COMMD10: variants seen among roughly 807,000 people sequenced by gnomAD.
COMMD10 encodes COMM domain-containing protein 10.
A neutral mutation model predicts 28.9 loss-of-function variants in COMMD10; 33 were observed. The ratio of observed to expected loss-of-function variants is 1.14; its 90% CI spans 0.87 to 1.53. COMMD10 has a LOEUF of 1.53. COMMD10 is among the 40% of genes most tolerant of loss of function. The pLI is 0.00. For synonymous variants in COMMD10, 110 were observed against 81.7 expected, an observed-to-expected ratio of 1.35 and a Z score of -1.87; for missense variants, 310 against 233.4, an observed-to-expected ratio of 1.33 and a Z score of -2.14.
intron 5 of COMMD10, among the ~76,000 whole-genome samples, chr5:116,140,680 G>A (rs1346135885): frequency 1.3e-5 from 2 of 151,668 alleles, no homozygotes; most frequent in African/African-American, 4.8e-5. Context: ...TTAGTGATAT[G>A]GAACATCTTT....
chr5:116,173,721 C>T (rs754267865), intron 5 of COMMD10, among the ~76,000 whole-genome samples: 5 of 152,020 alleles, frequency 3.3e-5, no homozygotes, highest in East Asian at 1.9e-4. Flanking sequence ...GCTCTAGATG[C>T]GTTGTAGAGA....
chr5:116,168,032 C>A (rs1200955632), intron 5 of COMMD10, among the ~76,000 whole-genome samples: 1 of 151,060 alleles, frequency 6.6e-6, no homozygotes, highest in African/African-American at 2.4e-5. Flanking sequence ...AAAAGACACA[C>A]ACTGGTAAAT....
At chr5:116,288,572 C>A (rs1476454018) in intron 5 of COMMD10, among the ~76,000 whole-genome samples, 1 of 151,688 alleles carries the variant, frequency 6.6e-6, no homozygotes. Context: ...GAATACCCAT[C>A]ATGCATATAT....
intron 5 of COMMD10, among the ~76,000 whole-genome samples, chr5:116,265,118 G>C (rs1402806323): frequency 1.3e-5 from 2 of 151,670 alleles, no homozygotes; most frequent in Non-Finnish European, 2.9e-5. Flanking sequence ...ATTATTGGTG[G>C]TCTGTGTTCA....
intron 4 of COMMD10, among the ~76,000 whole-genome samples, chr5:116,105,382 G>T (rs923813257): frequency 2.6e-5 from 4 of 152,134 alleles, no homozygotes; most frequent in African/African-American, 7.2e-5. Context: ...GAGGATTTTT[G>T]CATTGATGTT....
chr5:116,136,340 A>G (rs540567380), intron 5 of COMMD10, among the ~76,000 whole-genome samples: 3 of 152,342 alleles, frequency 2.0e-5, no homozygotes, highest in Non-Finnish European at 4.4e-5. Context: ...GAGCTATTCC[A>G]TGAGTGAAAA....
At chr5:116,094,946 A>G (rs937004469) in intron 4 of COMMD10, among the ~76,000 whole-genome samples, 2 of 152,196 alleles carry the variant, frequency 1.3e-5, no homozygotes, top group Admixed American at 1.3e-4. Context: ...ACTCACTCCT[A>G]TGTGGGAGCT....
chr5:116,122,824 T>C (rs1264396947), intron 4 of COMMD10, among the ~76,000 whole-genome samples: 2 of 152,210 alleles, frequency 1.3e-5, no homozygotes, highest in East Asian at 1.9e-4. Context: ...TGCATATTGA[T>C]TTTGTATCCT....
At chr5:116,207,089 CTGAGT>C (rs1278399408) in intron 5 of COMMD10, among the ~76,000 whole-genome samples, 2 of 152,240 alleles carry the variant, frequency 1.3e-5, no homozygotes, top group South Asian at 4.1e-4. Context: ...TGTCCTTGAA[CTGAGT>C]TATTTGAATC....
chr5:116,280,544 T>A lies in COMMD10; in HGVS notation c.511-10973T>A, dbSNP rs1290165423. On this transcript the variant is annotated intron_variant, in intron 5 of 6. Transcript: ENST00000274458. ...AAGGATCTTTCTTTGGTTAAACGTC[T>A]ATTCCTTGCCATGGTACATTCATCT... is the stretch of plus-strand genomic sequence containing the variant. Among the ~76,000 whole-genome samples the A allele has an allele frequency of 2.0e-5, 3 of 151,882 alleles. No homozygotes were observed. The East Asian group carries it at 5.8e-4, about 29-fold the overall frequency.
At chr5:116,204,961 G>C (rs1249055087) in intron 5 of COMMD10, among the ~76,000 whole-genome samples, 1 of 151,998 alleles carries the variant, frequency 6.6e-6, no homozygotes, top group South Asian at 2.1e-4. Context: ...TAAACCTTCT[G>C]TTTGTTTTTT....
intron 5 of COMMD10, among the ~76,000 whole-genome samples, chr5:116,235,490 T>A (rs1334756659): frequency 1.3e-5 from 2 of 152,166 alleles, no homozygotes; most frequent in African/African-American, 4.8e-5. Flanking sequence ...TCTATTACAG[T>A]TTTCTCCCTC....
chr5:116,122,280 T>G (rs1692976958), intron 4 of COMMD10, among the ~76,000 whole-genome samples: 1 of 152,208 alleles, frequency 6.6e-6, no homozygotes, highest in African/African-American at 2.4e-5. Context: ...TTGTCAAAGA[T>G]CAGATGGTTG....
At chr5:116,193,391 T>A (rs1748424235) in intron 5 of COMMD10, among the ~76,000 whole-genome samples, 1 of 152,098 alleles carries the variant, frequency 6.6e-6, no homozygotes, top group African/African-American at 2.4e-5. Flanking sequence ...GGATAAGAAT[T>A]TACCAACAAA....
At chr5:116,145,932 C>G (rs546306308) in intron 5 of COMMD10, among the ~76,000 whole-genome samples, 2 of 152,018 alleles carry the variant, frequency 1.3e-5, no homozygotes, top group East Asian at 3.9e-4. Flanking sequence ...AAACCTCTTT[C>G]TTTTATAAAT....
At chr5:116,159,616 G>T (rs1445564048) in intron 5 of COMMD10, among the ~76,000 whole-genome samples, 2 of 152,216 alleles carry the variant, frequency 1.3e-5, no homozygotes, top group Non-Finnish European at 2.9e-5. Flanking sequence ...AATGTGTTAA[G>T]CCCCTAAAGT....
At chr5:116,114,070 T>G (rs1751150272) in intron 4 of COMMD10, among the ~76,000 whole-genome samples, 1 of 152,232 alleles carries the variant, frequency 6.6e-6, no homozygotes, top group South Asian at 2.1e-4. Flanking sequence ...ATCTGTGGAT[T>G]CCTTTGTGTG....
chr5:116,239,458 C>T (rs1294765608), intron 5 of COMMD10, among the ~76,000 whole-genome samples: 1 of 152,072 alleles, frequency 6.6e-6, no homozygotes, highest in African/African-American at 2.4e-5. Flanking sequence ...GATTCTGGAG[C>T]TAAAAGCAGC....
At chr5:116,161,617 AAGTT>A (rs1171363389) in intron 5 of COMMD10, among the ~76,000 whole-genome samples, 7 of 152,312 alleles carry the variant, frequency 4.6e-5, no homozygotes, top group South Asian at 2.1e-4. Flanking sequence ...GCAATAGAGT[AAGTT>A]AGAGAAAAGA....
Sources: gnomAD v4.1 joint callset for allele counts (sites outside exome capture counted in the v4.1 genomes callset) on GRCh38, gnomAD v4.1.1 for gene constraint, MANE v1.5 for transcripts, NCBI Gene and HGNC (gene_info 2026-07-23, HGNC 2026-07-21) for gene names.